The following TSPAN18 variants were observed in gnomAD, a reference collection of about 807,000 sequenced individuals.
The protein encoded by TSPAN18 is tetraspanin-18.
TSPAN18 carries 14 observed loss-of-function variants against 27.3 expected under a neutral mutation model. The ratio of observed to expected loss-of-function variants is 0.51; its 90% CI spans 0.34 to 0.80. TSPAN18 has a LOEUF of 0.80. TSPAN18 is among the 30% of genes least tolerant of loss of function. The probability of loss-of-function intolerance (pLI) is 0.01; values close to 1 mark genes in which losing one functional copy is unlikely to be tolerated. For synonymous variants in TSPAN18, 143 were observed against 136.5 expected (o/e 1.05, Z -0.33); for missense variants, 268 against 323.9 (o/e 0.83, Z 1.32).
chr11:44,745,757 G>T (rs1241114112), intron 1 of TSPAN18, among the ~76,000 whole-genome samples: 1 of 152,230 alleles, frequency 6.6e-6, no homozygotes, highest in Non-Finnish European at 1.5e-5. Flanking sequence ...GCTGGGCGCG[G>T]TGGCTCACGC....
At chr11:44,863,584 G>A (rs1226994918) in intron 3 of TSPAN18, among the ~76,000 whole-genome samples, 1 of 152,150 alleles carries the variant, frequency 6.6e-6, no homozygotes, top group Non-Finnish European at 1.5e-5. Context: ...TTAGAGCATT[G>A]CAAGCAGCTG....
intron 1 of TSPAN18, among the ~76,000 whole-genome samples, chr11:44,748,945 T>C (rs1332534493): frequency 6.6e-6 from 1 of 152,228 alleles, no homozygotes; most frequent in Non-Finnish European, 1.5e-5. Context: ...TGTTGAATCC[T>C]TGCAACAACC....
intron 2 of TSPAN18, among the ~76,000 whole-genome samples, chr11:44,837,412 T>G (rs1296660497): frequency 6.6e-6 from 1 of 152,248 alleles, no homozygotes; most frequent in African/African-American, 2.4e-5. Context: ...GATGAGGAGT[T>G]ACTTCCTATG....
chr11:44,757,172 C>T (rs1367138331), intron 1 of TSPAN18, among the ~76,000 whole-genome samples: 16 of 152,154 alleles, frequency 1.1e-4, no homozygotes, highest in Admixed American at 9.2e-4. Flanking sequence ...ACTGTCATAC[C>T]GTTTTCTACA....
chr11:44,867,669 G>C (rs1858077117), intron 3 of TSPAN18, among the ~76,000 whole-genome samples: 1 of 152,100 alleles, frequency 6.6e-6, no homozygotes, highest in Non-Finnish European at 1.5e-5. Flanking sequence ...AAAGTGCTGG[G>C]ATTACAGGTA....
intron 2 of TSPAN18, among the ~76,000 whole-genome samples, chr11:44,805,874 C>T (rs1338717879): frequency 1.3e-5 from 2 of 152,150 alleles, no homozygotes. Context: ...CTGTCTGTCT[C>T]TCTCTGCCTC....
chr11:44,897,492 G>C (rs1410295092), intron 3 of TSPAN18, among the ~76,000 whole-genome samples: 1 of 152,202 alleles, frequency 6.6e-6, no homozygotes, highest in Middle Eastern at 3.2e-3. Flanking sequence ...GCTAGAATCT[G>C]CAAGTCTATT....
At chr11:44,849,003 G>C (rs866530594) in intron 2 of TSPAN18, among the ~76,000 whole-genome samples, 2 of 152,208 alleles carry the variant, frequency 1.3e-5, no homozygotes, top group South Asian at 2.1e-4. Context: ...TTCTCTCTCT[G>C]AGCCTCCATT....
At chr11:44,824,688 C>T (rs530655152) in intron 2 of TSPAN18, among the ~76,000 whole-genome samples, 2 of 152,354 alleles carry the variant, frequency 1.3e-5, no homozygotes, top group East Asian at 1.9e-4. Flanking sequence ...ACATCCCAGC[C>T]GCGGAGGCCT....
intron 3 of TSPAN18, among the ~76,000 whole-genome samples, chr11:44,875,538 C>T (rs551598859): frequency 3.9e-5 from 6 of 152,290 alleles, no homozygotes; most frequent in South Asian, 2.1e-4. Context: ...GCTCTCATTA[C>T]GAAATGGAAT....
intron 2 of TSPAN18, among the ~76,000 whole-genome samples, chr11:44,849,581 A>G (rs951061034): frequency 1.3e-5 from 2 of 152,148 alleles, no homozygotes; most frequent in African/African-American, 2.4e-5. Flanking sequence ...ATCTCTGAGC[A>G]AGGTGGCTTC....
intron 3 of TSPAN18, among the ~76,000 whole-genome samples, chr11:44,887,869 A>T (rs1858710799): frequency 6.6e-6 from 1 of 152,138 alleles, no homozygotes; most frequent in South Asian, 2.1e-4. Context: ...AGGCCCCCTT[A>T]ATACCCGTGA....
At position 44,909,784 on chromosome 11, in the gene TSPAN18, A is replaced by C. The variant is rs761966179; in HGVS notation, c.143A>C (p.Asn48Thr). ...PTGFREIVAA[N>T]PLLLTGAYIL... ...GGCTTCCGGGAGATCGTGGCTGCCA[A>C]TCCTCTGCTCCTCACGGGCGCCTAC... The change falls in exon 5 of 10, where the codon AAT (asparagine) becomes ACT (threonine). Residue 48 changes from asparagine to threonine, a missense_variant. By Grantham distance (65) the Asn-to-Thr change is moderately conservative. Coordinates refer to ENST00000520358, the MANE Select transcript of TSPAN18 (RefSeq NM_130783.5). The C allele has an allele frequency of 1.9e-6, 3 of 1,613,888 alleles. No individual in the cohort carries two copies. Among genetic ancestry groups the C allele is most frequent in the South Asian group, 1.1e-5 (1 of 91,066 alleles).
At chr11:44,813,874 C>A (rs1337598509) in intron 2 of TSPAN18, among the ~76,000 whole-genome samples, 2 of 152,136 alleles carry the variant, frequency 1.3e-5, no homozygotes, top group Non-Finnish European at 2.9e-5. Flanking sequence ...CCAACCACGC[C>A]CAGACCTGGA....
In TSPAN18 at chr11:44,932,374, A is replaced by C. The variant is rs1386712358; in HGVS notation, c.*3196A>C. The C allele has an allele frequency of 6.6e-6, 1 of 152,254 alleles. No homozygotes were observed. The highest frequency in any genetic ancestry group is 1.5e-5 in the Non-Finnish European group (1 of 68,056). 9.4% of individuals were successfully genotyped at this position (152,254 alleles called of 1,614,324 possible). A position where few individuals can be genotyped will look rare whatever the true frequency, so the allele number is the denominator to read the frequency against. Reference sequence around the variant, plus strand: ...GATGGTTTTGCACTGGTTTTTGTGAATGTTTCTTACAAAAAGAAAAAGGAA... The same window carrying C: ...GATGGTTTTGCACTGGTTTTTGTGACTGTTTCTTACAAAAAGAAAAAGGAA... On this transcript the variant is annotated 3_prime_UTR_variant, in exon 10 of 10. Coordinates refer to ENST00000520358, the MANE Select transcript of TSPAN18 (RefSeq NM_130783.5).
intron 2 of TSPAN18, among the ~76,000 whole-genome samples, chr11:44,781,670 A>G (rs1169122813): frequency 6.6e-6 from 1 of 152,052 alleles, no homozygotes; most frequent in Non-Finnish European, 1.5e-5. Context: ...ATACACACTT[A>G]CCCAGCAACT....
intron 2 of TSPAN18, among the ~76,000 whole-genome samples, chr11:44,809,344 T>C (rs1856666589): frequency 1.3e-5 from 2 of 152,010 alleles, no homozygotes; most frequent in Non-Finnish European, 2.9e-5. Context: ...CACAAGCTTC[T>C]TCATTCTGCA....
chr11:44,931,842 C>CTCTT lies in TSPAN18; in HGVS notation c.*2666_*2669dup, dbSNP rs1860574180. ...GTGGGGGAGGGGTGGGCAGGGATAC[C>CTCTT]TCTTTGTTTCTTTTCACCCCGAAAT... On this transcript the variant is annotated 3_prime_UTR_variant, in exon 10 of 10. Transcript: ENST00000520358. 6.6e-6 allele frequency: 1 copy of CTCTT among 152,270 alleles called. No homozygotes were observed. The highest frequency in any genetic ancestry group is 2.4e-5 in the African/African-American group (1 of 41,534). The allele number at this position is 152,270 out of a possible 1,614,324, so 9.4% of individuals were successfully genotyped here. A position where few individuals can be genotyped will look rare whatever the true frequency, so the allele number is the denominator to read the frequency against.
intron 2 of TSPAN18, among the ~76,000 whole-genome samples, chr11:44,839,963 T>C (rs1009180000): frequency 1.8e-4 from 27 of 152,156 alleles, no homozygotes; most frequent in Admixed American, 8.5e-4. Context: ...CTGTCCTCAG[T>C]CCCTCACAGG....
Sources: gnomAD v4.1 joint callset for allele counts (sites outside exome capture counted in the v4.1 genomes callset) on GRCh38, gnomAD v4.1.1 for gene constraint, MANE v1.5 for transcripts, NCBI Gene and HGNC (gene_info 2026-07-23, HGNC 2026-07-21) for gene names.